CEP83: variants seen among roughly 807,000 people sequenced by gnomAD.
CEP83 encodes the protein centrosomal protein 83.
CEP83 carries 70 observed loss-of-function variants against 101.9 expected under a neutral mutation model. The ratio of observed to expected loss-of-function variants is 0.69; its 90% CI spans 0.57 to 0.84. The LOEUF (loss-of-function observed/expected upper bound fraction) is 0.84. CEP83 is among the 40% of genes least tolerant of loss of function. The pLI is 0.00. For synonymous variants in CEP83, 264 were observed against 267.9 expected (o/e 0.99, Z 0.14); for missense variants, 715 against 787.2 (o/e 0.91, Z 1.10).
chr12:94,458,542 C>T (rs58157404), intron 1 of CEP83, among the ~76,000 whole-genome samples: 8,616 of 152,058 alleles, frequency 0.057, 253 homozygotes, highest in Admixed American at 0.077. Flanking sequence ...AGTTTGAGAC[C>T]AGCCTGGCCA....
At chr12:94,346,412 C>T (rs895677326) in intron 11 of CEP83, among the ~76,000 whole-genome samples, 8 of 148,898 alleles carry the variant, frequency 5.4e-5, no homozygotes, top group Admixed American at 2.7e-4. Context: ...CACACCATTG[C>T]ACTCCAGCCT....
intron 14 of CEP83, among the ~76,000 whole-genome samples, chr12:94,320,448 C>T (rs988959607): frequency 2.0e-5 from 3 of 151,486 alleles, no homozygotes; most frequent in Non-Finnish European, 4.4e-5. Context: ...CATCTGTGTA[C>T]TTAAGTGTGT....
At chr12:94,431,356 G>C (rs2065608375) in intron 2 of CEP83, among the ~76,000 whole-genome samples, 1 of 151,956 alleles carries the variant, frequency 6.6e-6, no homozygotes, top group Non-Finnish European at 1.5e-5. Context: ...GAAAACATAG[G>C]GAAAACACTT....
intron 12 of CEP83, among the ~76,000 whole-genome samples, chr12:94,334,391 T>C (rs1024521889): frequency 6.6e-6 from 1 of 152,146 alleles, no homozygotes; most frequent in Non-Finnish European, 1.5e-5. Flanking sequence ...GCTAGAAAGA[T>C]TCACACTCTT....
At chr12:94,385,683 A>G (rs2062103464) in intron 6 of CEP83, among the ~76,000 whole-genome samples, 2 of 152,154 alleles carry the variant, frequency 1.3e-5, no homozygotes, top group African/African-American at 4.8e-5. Flanking sequence ...ATTGGATGTC[A>G]GACATTGTGA....
chr12:94,382,683 G>C (rs1191006506), intron 6 of CEP83, among the ~76,000 whole-genome samples: 1 of 151,620 alleles, frequency 6.6e-6, no homozygotes, highest in African/African-American at 2.4e-5. Flanking sequence ...TTAATTTCTA[G>C]TTTGATTCTA....
chr12:94,335,608 T>C lies in CEP83; in HGVS notation c.1400A>G (p.Glu467Gly), dbSNP rs1281820117. 6.3e-7 allele frequency: 1 copy of C among 1,581,994 alleles called. No individual in the cohort carries two copies. Among genetic ancestry groups the C allele is most frequent in the African/African-American group, 1.4e-5 (1 of 73,626 alleles). The change falls in exon 12 of 17, where the codon GAA (glutamate) becomes GGA (glycine). Residue 467 changes from glutamate to glycine, a missense_variant. Physicochemically the swap from Glu to Gly is moderately conservative, Grantham distance 98. Coordinates refer to ENST00000397809, the MANE Select transcript of CEP83 (RefSeq NM_016122.3). ...TIENAEKEKN[E>G]NSDLKQQISS... ...TCATACCTGTTTTAGGTCAGAATTT[T>C]CATTTTTTTCCTTCTCTGCATTTTC...
intron 11 of CEP83, among the ~76,000 whole-genome samples, chr12:94,359,181 C>A (rs1340068509): frequency 6.6e-6 from 1 of 152,190 alleles, no homozygotes; most frequent in Non-Finnish European, 1.5e-5. Flanking sequence ...CTGTTCAGGG[C>A]TCTCAGCTCT....
intron 2 of CEP83, among the ~76,000 whole-genome samples, chr12:94,431,779 A>T (rs2065644673): frequency 6.6e-6 from 1 of 152,198 alleles, no homozygotes; most frequent in African/African-American, 2.4e-5. Flanking sequence ...TAAAAAAATA[A>T]CAACAGATGC....
intron 11 of CEP83, 68 bp from the exon 12 acceptor site, chr12:94,335,732 G>C (rs2059420025): frequency 1.1e-5 from 12 of 1,052,530 alleles, no homozygotes; most frequent in Non-Finnish European, 1.7e-5. Context: ...CTGAATTAAA[G>C]AGTCATTTTA....
the CEP83 span, among the ~76,000 whole-genome samples, chr12:94,283,704 C>T: frequency 4.3e-4 from 66 of 152,132 alleles, 1 homozygote; most frequent in Non-Finnish European, 3.8e-4. Context: ...AAGCTGTCTT[C>T]TTGCACTGAG....
chr12:94,410,235 A>C (rs2063795860), intron 4 of CEP83, among the ~76,000 whole-genome samples: 1 of 152,214 alleles, frequency 6.6e-6, no homozygotes, highest in Non-Finnish European at 1.5e-5. Flanking sequence ...GCCTTCATGG[A>C]GCCTGAATTC....
intron 16 of CEP83, 36 bp downstream of exon 16, chr12:94,309,882 C>T (rs764216076): frequency 1.4e-5 from 19 of 1,315,184 alleles, no homozygotes; most frequent in Middle Eastern, 2.0e-4. Context: ...CAAAAATGTA[C>T]GACTTTTTTT....
chr12:94,327,797 TTTAAG>T (rs1233096844), intron 14 of CEP83, among the ~76,000 whole-genome samples: 2 of 152,228 alleles, frequency 1.3e-5, no homozygotes, highest in African/African-American at 4.8e-5. Flanking sequence ...CTTACCTCAC[TTTAAG>T]TTTACTATAA....
At chr12:94,352,076 TAGAA>T (rs1282306058) in intron 11 of CEP83, among the ~76,000 whole-genome samples, 2 of 152,156 alleles carry the variant, frequency 1.3e-5, no homozygotes, top group Non-Finnish European at 2.9e-5. Context: ...CTCCATAAAA[TAGAA>T]AGAGACAACT....
chr12:94,328,384 C>G, intron 14 of CEP83: 1 of 199,560 alleles, frequency 5.0e-6, no homozygotes, highest in Non-Finnish European at 1.1e-5. Flanking sequence ...ATGACAATCT[C>G]TGTGCTCAGG....
At chr12:94,427,488 CTTT>C (rs1170367337) in intron 2 of CEP83, among the ~76,000 whole-genome samples, 3 of 152,204 alleles carry the variant, frequency 2.0e-5, no homozygotes, top group African/African-American at 7.2e-5. Context: ...CCTACCACTT[CTTT>C]TGACTAGTCC....
At chr12:94,357,954 T>C (rs2060561539) in intron 11 of CEP83, among the ~76,000 whole-genome samples, 1 of 152,188 alleles carries the variant, frequency 6.6e-6, no homozygotes, top group Non-Finnish European at 1.5e-5. Flanking sequence ...GCAAAGCAGC[T>C]TACTGGGTAA....
chr12:94,431,108 T>C (rs1435023792), intron 2 of CEP83, among the ~76,000 whole-genome samples: 1 of 152,096 alleles, frequency 6.6e-6, no homozygotes, highest in Non-Finnish European at 1.5e-5. Context: ...CACCCAGATA[T>C]ACAAAGGAAA....
Sources: allele counts gnomAD v4.1 joint callset (sites outside exome capture counted in the v4.1 genomes callset), GRCh38; gene constraint gnomAD v4.1.1; transcripts MANE v1.5; gene names NCBI Gene and HGNC (gene_info 2026-07-23, HGNC 2026-07-21).